TTC23L: variants seen among roughly 807,000 people sequenced by gnomAD.
TTC23L encodes the protein tetratricopeptide repeat protein 23-like.
In TTC23L, 42 loss-of-function variants were observed where a neutral mutation model predicts 48.1. The observed-to-expected ratio is 0.87, with a 90% CI of 0.68 to 1.13. The LOEUF (loss-of-function observed/expected upper bound fraction) is 1.13, where lower values mean the gene tolerates loss of function less well. Among genes scored for constraint, TTC23L ranks in the 50% most tolerant of loss-of-function variants. TTC23L has a pLI of 0.00. For missense variants in TTC23L, 391 were observed against 421.0 expected, an observed-to-expected ratio of 0.93 and a Z score of 0.62; for synonymous variants, 159 against 157.2, an observed-to-expected ratio of 1.01 and a Z score of -0.09.
At chr5:34,886,362 T>TAAA (rs1580480973) in intron 9 of TTC23L, among the ~76,000 whole-genome samples, 1 of 41,870 alleles carries the variant, frequency 2.4e-5, no homozygotes. Context: ...CCAGGCTGAT[T>TAAA]TAAAAAAAAA....
downstream of TTC23L, among the ~76,000 whole-genome samples, chr5:34,903,441 G>A (rs1179538522): frequency 3.3e-5 from 5 of 151,834 alleles, no homozygotes; most frequent in African/African-American, 4.8e-5. Flanking sequence ...CACCAGAGCG[G>A]TACATTTGTG....
In TTC23L at chr5:34,846,666, TATGTGTGTG is replaced by T. The variant is rs1327127658; in HGVS notation, c.255+994_255+1002del. 3.2e-5 allele frequency among the ~76,000 whole-genome samples: 2 copies of T among 61,804 alleles called. 1 individual carries two copies. Among genetic ancestry groups the T allele is most frequent in the African/African-American group, 9.3e-5 (2 of 21,450 alleles). 40.5% of individuals were successfully genotyped at this position (61,804 alleles called of 152,430 possible). On this transcript the variant is annotated intron_variant, in intron 3 of 10. Coordinates refer to ENST00000505624, the Ensembl canonical transcript of TTC23L. ...ATATATACAAATACATATATGTGTG[TATGTGTGTG>T]TGTGTGTGTGTGTGTGTGTGTGTGT...
rs114490854 is a variant in TTC23L, at chr5:34,863,709, T to C, written c.536+655T>C. Among the ~76,000 whole-genome samples, 1,018 of 152,118 alleles carry C rather than the reference T, an allele frequency of 6.7e-3. 10 individuals carry two copies. Among genetic ancestry groups the C allele is most frequent in the African/African-American group, 0.024 (986 of 41,494 alleles). The stretch of plus-strand genomic sequence containing the variant: ...GTAGTTCTATAAATCCCCAGAGGGG[T>C]ACTGTTATATGTGCCTTTCCTCAGA... On this transcript the variant is annotated intron_variant, in intron 5 of 10. Transcript: ENST00000505624. This position sits in a 1 kb window ranked among gnomAD's most constrained non-coding sequence, Gnocchi z 4.1.
At chr5:34,873,846 T>A (rs1761646249) in intron 8 of TTC23L, among the ~76,000 whole-genome samples, 1 of 152,128 alleles carries the variant, frequency 6.6e-6, no homozygotes. Context: ...ACAGAGCAGT[T>A]GACAGGATGG....
At chr5:34,882,116 G>A (rs80283191) in intron 9 of TTC23L, among the ~76,000 whole-genome samples, 7,284 of 152,272 alleles carry the variant, frequency 0.048, 244 homozygotes, top group South Asian at 0.1. Flanking sequence ...TCTTTTCAAA[G>A]ATGTGAAAAT....
chr5:34,922,170 C>A, the TTC23L span: 14 of 1,076,140 alleles, frequency 1.3e-5, no homozygotes, highest in Non-Finnish European at 1.9e-5. Flanking sequence ...TACTTTAGTT[C>A]TCATTTATAT....
In TTC23L at chr5:34,862,778, C is replaced by A. The variant is rs79738500; in HGVS notation, c.380-120C>A. 3.1e-3 allele frequency: 3,646 copies of A among 1,158,658 alleles called. 89 individuals carry two copies. In the African/African-American group the frequency reaches 0.052, roughly 17 times the overall value. The allele number at this position is 1,158,658 out of a possible 1,614,324, so 71.8% of individuals were successfully genotyped here. A position where few individuals can be genotyped will look rare whatever the true frequency, so the allele number is the denominator to read the frequency against. Reference sequence around the variant, plus strand: ...CTGATTCACAGCCAGATTTAGGAACCAATGCTATAGACCATACGACAACTG... The same window carrying A: ...CTGATTCACAGCCAGATTTAGGAACAAATGCTATAGACCATACGACAACTG... On this transcript the variant is annotated intron_variant, in intron 4 of 10. Transcript: ENST00000505624.
chr5:34,878,887 G>A (rs1762035521), intron 8 of TTC23L, among the ~76,000 whole-genome samples: 1 of 152,142 alleles, frequency 6.6e-6, no homozygotes, highest in Admixed American at 6.6e-5. Context: ...AAAGATTCCT[G>A]CACTTGTATG....
At chr5:34,869,010 A>C (rs1316365063) in exon 8 of TTC23L, 2 of 1,601,762 alleles carry the variant, frequency 1.2e-6, no homozygotes, top group African/African-American at 2.7e-5. Flanking sequence ...GGCCCAGCAC[A>C]GGGGTAGGTA....
At chr5:34,905,737 G>A in the TTC23L span, 2 of 151,804 alleles carry the variant, frequency 1.3e-5, no homozygotes, top group African/African-American at 4.8e-5. Flanking sequence ...CCAAAGTGTC[G>A]CCTGCTCTGC....
intron 4 of TTC23L, among the ~76,000 whole-genome samples, chr5:34,859,840 C>CTTTTTTTTTTTTTTTTTT (rs10590697): frequency 1.0e-5 from 1 of 95,362 alleles, no homozygotes; most frequent in African/African-American, 3.5e-5. Context: ...TTTTCTTCTT[C>CTTTTTTTTTTTTTTTTTT]TTTTTTTTTT....
chr5:34,909,132 C>G, the TTC23L span: 1 of 910,390 alleles, frequency 1.1e-6, no homozygotes, highest in East Asian at 2.6e-5. Flanking sequence ...GTCCAGCACT[C>G]TACTATTCAT....
intron 9 of TTC23L, among the ~76,000 whole-genome samples, chr5:34,893,463 T>C (rs372258030): frequency 3.3e-5 from 5 of 152,154 alleles, no homozygotes; most frequent in African/African-American, 1.2e-4. Flanking sequence ...AATACATACA[T>C]GTGAAACAAG....
At chr5:34,847,261 C>G (rs1042175966) in intron 3 of TTC23L, among the ~76,000 whole-genome samples, 4 of 152,192 alleles carry the variant, frequency 2.6e-5, no homozygotes, top group Admixed American at 2.6e-4. Flanking sequence ...TAGTGATTCA[C>G]AAATCCAGGC....
the TTC23L span, chr5:34,914,047 T>G: frequency 4.6e-5 from 21 of 456,038 alleles, no homozygotes; most frequent in South Asian, 2.6e-4. Context: ...ACAAGAACCG[T>G]GTCTTATTTA....
chr5:34,915,281 C>A, the TTC23L span: 1 of 280,230 alleles, frequency 3.6e-6, no homozygotes, highest in Non-Finnish European at 6.8e-6. Flanking sequence ...CCGCCTCCAA[C>A]AAAACAGGCG....
chr5:34,877,973 A>T (rs1179531112), intron 8 of TTC23L, among the ~76,000 whole-genome samples: 1 of 152,274 alleles, frequency 6.6e-6, no homozygotes, highest in Non-Finnish European at 1.5e-5. Context: ...ATAAGTGATT[A>T]TAGAAAAGAT....
the TTC23L span, chr5:34,913,658 C>T: frequency 1.2e-5 from 10 of 825,192 alleles, no homozygotes; most frequent in Admixed American, 1.3e-4. Flanking sequence ...TCACTTTATA[C>T]GTTTAAAAAA....
the TTC23L span, chr5:34,908,570 CATTT>C: frequency 2.0e-6 from 1 of 499,638 alleles, no homozygotes; most frequent in Non-Finnish European, 3.6e-6. Context: ...TACAGGAAAA[CATTT>C]ATTTACATGC....
Sources: allele counts gnomAD v4.1 joint callset (sites outside exome capture counted in the v4.1 genomes callset), GRCh38; gene constraint gnomAD v4.1.1; non-coding constraint Gnocchi (gnomAD v3.1); transcripts MANE v1.5; gene names NCBI Gene and HGNC (gene_info 2026-07-23, HGNC 2026-07-21).